Variants in AKAP19 observed in about 807,000 individuals in gnomAD.
AKAP19 encodes the protein A-kinase anchoring protein 19.
At chr2:190,144,161 T>G in the AKAP19 span, among the ~76,000 whole-genome samples, 1 of 123,816 alleles carries the variant, frequency 8.1e-6, no homozygotes, top group Non-Finnish European at 1.7e-5. Context: ...CCCTAAAACT[T>G]AAAGTATAAT....
chr2:190,075,564 C>T, the AKAP19 span, among the ~76,000 whole-genome samples: 1 of 152,060 alleles, frequency 6.6e-6, no homozygotes. Context: ...TGAATTAAAT[C>T]AACTCTAATC....
the AKAP19 span, among the ~76,000 whole-genome samples, chr2:189,971,567 C>A: frequency 6.6e-6 from 1 of 152,200 alleles, no homozygotes; most frequent in African/African-American, 2.4e-5. Flanking sequence ...ACACTGTCTT[C>A]CACAATGGTT....
At chr2:190,001,151 T>C in the AKAP19 span, among the ~76,000 whole-genome samples, 383 of 152,342 alleles carry the variant, frequency 2.5e-3, 2 homozygotes, top group African/African-American at 8.5e-3. Context: ...AACTCTAACA[T>C]TTTTATTTGT....
chr2:189,976,106 G>C, the AKAP19 span, among the ~76,000 whole-genome samples: 1 of 152,112 alleles, frequency 6.6e-6, no homozygotes, highest in Admixed American at 6.5e-5. Context: ...CATCTTTGTG[G>C]TTTTATCTAC....
the AKAP19 span, among the ~76,000 whole-genome samples, chr2:190,120,022 A>C: frequency 1.3e-5 from 2 of 152,136 alleles, no homozygotes; most frequent in African/African-American, 2.4e-5. Flanking sequence ...GGAAAAGATG[A>C]AGCTGTCTCA....
At chr2:190,115,282 T>C in the AKAP19 span, among the ~76,000 whole-genome samples, 24 of 6,740 alleles carry the variant, frequency 3.6e-3, 1 homozygote, top group Non-Finnish European at 7.3e-3. Flanking sequence ...TATATATATA[T>C]ATATATATAT....
the AKAP19 span, among the ~76,000 whole-genome samples, chr2:190,114,703 A>G: frequency 1.3e-5 from 2 of 151,972 alleles, no homozygotes; most frequent in Non-Finnish European, 2.9e-5. Flanking sequence ...TGATCCACCC[A>G]TCTCGGCCTC....
At chr2:190,197,255 G>A in the AKAP19 span, among the ~76,000 whole-genome samples, 1 of 152,096 alleles carries the variant, frequency 6.6e-6, no homozygotes, top group Non-Finnish European at 1.5e-5. The surrounding 1 kb of genome is among the most constrained non-coding windows in gnomAD (Gnocchi z 4.0). Flanking sequence ...CTTGTTTAGG[G>A]TATACTACTG....
the AKAP19 span, among the ~76,000 whole-genome samples, chr2:189,940,436 A>C: frequency 9.9e-5 from 15 of 151,146 alleles, no homozygotes; most frequent in African/African-American, 3.6e-4. Context: ...ACGGGGGGGA[A>C]AAAAAGAAAA....
the AKAP19 span, among the ~76,000 whole-genome samples, chr2:189,893,186 A>G: frequency 6.6e-6 from 1 of 152,192 alleles, no homozygotes; most frequent in Non-Finnish European, 1.5e-5. Flanking sequence ...GAGCTAGATC[A>G]GTTAGCTCAC....
chr2:189,885,891 C>G, the AKAP19 span, among the ~76,000 whole-genome samples: 1 of 152,126 alleles, frequency 6.6e-6, no homozygotes, highest in Non-Finnish European at 1.5e-5. Context: ...TCACTGCAAC[C>G]TCCACCTCCC....
At chr2:190,062,186 C>T in the AKAP19 span, 1 of 1,604,232 alleles carries the variant, frequency 6.2e-7, no homozygotes, top group Non-Finnish European at 8.5e-7. Context: ...GAACAACAGT[C>T]AGCAGAACTG....
At chr2:190,175,903 C>G in the AKAP19 span, among the ~76,000 whole-genome samples, 1 of 152,156 alleles carries the variant, frequency 6.6e-6, no homozygotes, top group Non-Finnish European at 1.5e-5. Context: ...GCCTTTGGAG[C>G]TGTTCCCTTG....
chr2:190,046,840 A>G, the AKAP19 span, among the ~76,000 whole-genome samples: 1 of 152,130 alleles, frequency 6.6e-6, no homozygotes, highest in Non-Finnish European at 1.5e-5. Context: ...CTTCTATTAT[A>G]TCCCACATTA....
the AKAP19 span, among the ~76,000 whole-genome samples, chr2:190,105,490 C>G: frequency 1.3e-5 from 2 of 152,132 alleles, no homozygotes; most frequent in Non-Finnish European, 1.5e-5. Context: ...CCCCAGACAT[C>G]TTTTAGCCTT....
the AKAP19 span, among the ~76,000 whole-genome samples, chr2:190,190,161 T>C: frequency 1.3e-5 from 2 of 152,212 alleles, no homozygotes; most frequent in Non-Finnish European, 2.9e-5. Flanking sequence ...GTAACTAACA[T>C]ACCAATTAAG....
the AKAP19 span, among the ~76,000 whole-genome samples, chr2:190,173,063 C>T: frequency 1.7e-4 from 26 of 150,848 alleles, 1 homozygote; most frequent in East Asian, 9.8e-4. Context: ...TGCAGTGAGC[C>T]GTGATCATGC....
chr2:190,198,151 C>A, the AKAP19 span, among the ~76,000 whole-genome samples: 1 of 152,248 alleles, frequency 6.6e-6, no homozygotes, highest in Non-Finnish European at 1.5e-5. Flanking sequence ...TAATTAAAAG[C>A]AGAAGACTGC....
At chr2:189,916,892 G>A in the AKAP19 span, among the ~76,000 whole-genome samples, 1 of 152,052 alleles carries the variant, frequency 6.6e-6, no homozygotes, top group African/African-American at 2.4e-5. Flanking sequence ...CCAAAACAGA[G>A]TAAAATCTGG....
Sources: gnomAD v4.1 joint callset for allele counts (sites outside exome capture counted in the v4.1 genomes callset) on GRCh38, gnomAD v4.1.1 for gene constraint, Gnocchi (gnomAD v3.1) non-coding constraint, MANE v1.5 for transcripts, NCBI Gene and HGNC (gene_info 2026-07-23, HGNC 2026-07-21) for gene names.